Variants in STAB2 observed in about 807,000 individuals in gnomAD.
STAB2 encodes stabilin 2.
A neutral mutation model predicts 338.1 loss-of-function variants in STAB2; 288 were observed. The ratio of observed to expected loss-of-function variants is 0.85; its 90% CI spans 0.77 to 0.94. The LOEUF (loss-of-function observed/expected upper bound fraction) is 0.94, where lower values mean the gene tolerates loss of function less well. Ranked by LOEUF, STAB2 falls within the 40% of genes least tolerant of loss-of-function variation. The pLI is 0.00. For missense variants in STAB2, 3,141 were observed against 3,210.1 expected (o/e 0.98, Z 0.52); for synonymous variants, 1,202 against 1,193.3 (o/e 1.01, Z -0.15).
chr12:103,677,620 G>A lies in STAB2; in HGVS notation c.2805+9G>A, dbSNP rs1876507403. 6.2e-7 allele frequency: 1 copy of A among 1,605,230 alleles called. No individual in the cohort carries two copies. The highest frequency in any genetic ancestry group is 1.3e-5 in the African/African-American group (1 of 74,918). ...ATGTGGGTCCCGGGCAGGTAGGTTG[G>A]ATGTCATGAGAGCAAAGAGAAAGCA... On this transcript the variant is annotated intron_variant, in intron 25 of 68. Transcript: ENST00000388887.
rs1296666247 is a variant in STAB2, at chr12:103,677,719, C to T, written c.2805+108C>T. On this transcript the variant is annotated intron_variant, in intron 25 of 68. Coordinates refer to ENST00000388887, the MANE Select transcript of STAB2 (RefSeq NM_017564.10). Reference sequence around the variant, plus strand: ...GGCTAGAACTTACTGCAGCTTTTTTCAGTCATTCGTGGCAGTGAACATGGG... The same window carrying T: ...GGCTAGAACTTACTGCAGCTTTTTTTAGTCATTCGTGGCAGTGAACATGGG... The T allele has an allele frequency of 5.0e-6, 7 of 1,392,696 alleles. No homozygotes were observed. In the East Asian group the frequency reaches 1.7e-4, roughly 34 times the overall value. The allele number at this position is 1,392,696 out of a possible 1,614,324, so 86.3% of individuals were successfully genotyped here.
Position 103,648,695 on chromosome 12 carries a change from T to C in STAB2, c.1046T>C (p.Ile349Thr), listed in dbSNP as rs771026123. 2 of 1,613,750 alleles carry C rather than the reference T, an allele frequency of 1.2e-6. No homozygotes were observed. Among genetic ancestry groups the C allele is most frequent in the East Asian group, 2.2e-5 (1 of 44,884 alleles). The change falls in exon 10 of 69, where the codon ATT becomes ACT. Residue 349 changes from isoleucine (I) to threonine (T), a missense_variant. Transcript: ENST00000388887. ...TCTTTTCCCCCTCTCTGTAGATGCA[T>C]TTGCCAGAAAGGTTACGTGGGTGAT... The part of the protein sequence containing the change: ...TTVAPGRTEC[I>T]CQKGYVGDGL...
chr12:103,589,491 A>C (rs974774709), intron 1 of STAB2, among the ~76,000 whole-genome samples: 1 of 152,136 alleles, frequency 6.6e-6, no homozygotes, highest in Non-Finnish European at 1.5e-5. Flanking sequence ...GGTTCAAGAG[A>C]TCCTACCCCT....
intron 63 of STAB2, 154 bp from the exon 64 acceptor site, chr12:103,758,015 AC>A: frequency 9.1e-7 from 1 of 1,104,818 alleles, no homozygotes; most frequent in Non-Finnish European, 1.3e-6. Context: ...AAACTCTCCC[AC>A]GGCGCAGGCA....
At chr12:103,601,346 C>T (rs1329729352) in intron 3 of STAB2, among the ~76,000 whole-genome samples, 2 of 152,162 alleles carry the variant, frequency 1.3e-5, no homozygotes, top group Non-Finnish European at 2.9e-5. Flanking sequence ...AATCCCAGCA[C>T]TTTGGGAGGC....
chr12:103,611,868 G>A (rs577840984), intron 3 of STAB2, among the ~76,000 whole-genome samples: 2,424 of 152,260 alleles, frequency 0.016, 74 homozygotes, highest in African/African-American at 0.056. Context: ...AGGAGCTCTT[G>A]TAAGGCAGGC....
At chr12:103,711,335 A>G (rs1566037097) in intron 39 of STAB2, 136 bp from the exon 40 acceptor site, 3 of 1,148,582 alleles carry the variant, frequency 2.6e-6, no homozygotes, top group Non-Finnish European at 3.7e-6. Context: ...AAGGATTGAC[A>G]TGACCTCATA....
chr12:103,664,514 G>A (rs1270370934), intron 18 of STAB2, among the ~76,000 whole-genome samples: 1 of 152,158 alleles, frequency 6.6e-6, no homozygotes, highest in Non-Finnish European at 1.5e-5. Context: ...CGGTTCCCAT[G>A]GAAAACATAA....
chr12:103,669,768 T>A, intron 21 of STAB2, 141 bp downstream of exon 21: 1 of 692,852 alleles, frequency 1.4e-6, no homozygotes, highest in Non-Finnish European at 2.4e-6. Context: ...AGCAGGTGTC[T>A]GCAGTAGAAG....
intron 17 of STAB2, among the ~76,000 whole-genome samples, chr12:103,662,174 G>A (rs1042633515): frequency 6.6e-6 from 1 of 152,098 alleles, no homozygotes; most frequent in African/African-American, 2.4e-5. Flanking sequence ...TTAAAAAATT[G>A]CAAAAACTGT....
chr12:103,765,329 AC>A (rs1361711258), intron 68 of STAB2, among the ~76,000 whole-genome samples: 1 of 152,174 alleles, frequency 6.6e-6, no homozygotes, highest in African/African-American at 2.4e-5. Context: ...ATTCAGCTAA[AC>A]CTACTATTCA....
chr12:103,712,146 A>G (rs192352350), intron 40 of STAB2, among the ~76,000 whole-genome samples: 3 of 152,306 alleles, frequency 2.0e-5, no homozygotes, highest in Admixed American at 6.5e-5. Flanking sequence ...ACTGACACCT[A>G]TATCTATGCA....
intron 3 of STAB2, among the ~76,000 whole-genome samples, chr12:103,613,253 G>C (rs1030557721): frequency 1.3e-5 from 2 of 152,188 alleles, no homozygotes; most frequent in African/African-American, 4.8e-5. Context: ...GGTTTCTGCT[G>C]CCTTTTGTTT....
At chr12:103,609,758 C>T (rs1249224179) in intron 3 of STAB2, among the ~76,000 whole-genome samples, 3 of 152,114 alleles carry the variant, frequency 2.0e-5, no homozygotes, top group East Asian at 1.9e-4. Flanking sequence ...ACATCCCTGT[C>T]TTGTGCCAGT....
chr12:103,606,557 C>T (rs917648879), intron 3 of STAB2, among the ~76,000 whole-genome samples: 7 of 152,072 alleles, frequency 4.6e-5, no homozygotes, highest in South Asian at 4.2e-4. Flanking sequence ...TTCTACCTTT[C>T]GTATGTCTGA....
At chr12:103,669,769 G>A (rs781280768) in intron 21 of STAB2, 142 bp downstream of exon 21, 2 of 682,222 alleles carry the variant, frequency 2.9e-6, no homozygotes, top group African/African-American at 1.8e-5. Flanking sequence ...GCAGGTGTCT[G>A]CAGTAGAAGG....
At chr12:103,729,030 T>C in intron 48 of STAB2, 35 bp downstream of exon 48, 18 of 1,608,524 alleles carry the variant, frequency 1.1e-5, no homozygotes, top group Non-Finnish European at 1.4e-5. Flanking sequence ...CTCTCTCCCC[T>C]AGATCATGTC....
chr12:103,594,489 C>T lies in STAB2; in HGVS notation c.310C>T (p.Arg104Cys), dbSNP rs142617518. ...TCTCCAACCTCGGTGTTGTCCTGGC[C>T]GCTGGGGCCCAGACTGTATAGGTAA... is the stretch of plus-strand genomic sequence containing the variant. Reference protein sequence around the residue: ...DYLQPRCCPGRWGPDCIECPG... With the variant: ...DYLQPRCCPGCWGPDCIECPG... Residue 104 changes from arginine (R) to cysteine (C), a missense_variant, in exon 3 of 69, where the codon CGC (arginine) becomes TGC (cysteine). Arg to Cys is a radical substitution (Grantham distance 180). Coordinates refer to ENST00000388887, the MANE Select transcript of STAB2 (RefSeq NM_017564.10). 84 of 1,613,844 alleles carry T rather than the reference C, an allele frequency of 5.2e-5. No homozygotes were observed. In the African/African-American group the frequency reaches 7.9e-4, roughly 15 times the overall value.
chr12:103,732,886 C>T (rs1881745046), intron 50 of STAB2, 120 bp from the exon 51 acceptor site: 3 of 1,153,966 alleles, frequency 2.6e-6, no homozygotes, highest in East Asian at 2.5e-5. Context: ...ACCCTTGAAC[C>T]ATCCAGAGTC....
Sources: gnomAD v4.1 joint callset for allele counts (sites outside exome capture counted in the v4.1 genomes callset) on GRCh38, gnomAD v4.1.1 for gene constraint, MANE v1.5 for transcripts, NCBI Gene and HGNC (gene_info 2026-07-23, HGNC 2026-07-21) for gene names.